The following RPSA2 variants were observed in gnomAD, a reference collection of about 807,000 sequenced individuals.
RPSA2 encodes ribosomal protein SA 2.
At chr19:23,798,241 A>G in the RPSA2 span, among the ~76,000 whole-genome samples, 1 of 152,238 alleles carries the variant, frequency 6.6e-6, no homozygotes, top group Non-Finnish European at 1.5e-5. Context: ...TAAATTTAGC[A>G]AAACAGAATT....
the RPSA2 span, among the ~76,000 whole-genome samples, chr19:23,792,665 C>T: frequency 6.6e-6 from 1 of 150,708 alleles, no homozygotes; most frequent in Non-Finnish European, 1.5e-5. Flanking sequence ...CAGGCGCGCA[C>T]CACCAAGCCC....
chr19:23,828,936 G>C, the RPSA2 span, among the ~76,000 whole-genome samples: 1 of 148,278 alleles, frequency 6.7e-6, no homozygotes, highest in East Asian at 2.0e-4. Context: ...CCTAATGTGA[G>C]ACACACACAC....
At chr19:23,811,813 A>G in the RPSA2 span, among the ~76,000 whole-genome samples, 1 of 138,070 alleles carries the variant, frequency 7.2e-6, no homozygotes, top group Non-Finnish European at 1.5e-5. Context: ...TTAGCAATGT[A>G]AGGTATTATT....
the RPSA2 span, among the ~76,000 whole-genome samples, chr19:23,790,232 C>G: frequency 6.6e-6 from 1 of 152,002 alleles, no homozygotes. Context: ...CTTCTGACCT[C>G]GTGATCCACC....
chr19:23,807,873 G>A, the RPSA2 span: 1 of 426,732 alleles, frequency 2.3e-6, no homozygotes, highest in South Asian at 2.0e-5. Context: ...CTCTGGAGGA[G>A]TAGCAGTGCC....
At chr19:23,855,027 G>A in the RPSA2 span, among the ~76,000 whole-genome samples, 1 of 152,138 alleles carries the variant, frequency 6.6e-6, no homozygotes, top group Non-Finnish European at 1.5e-5. Flanking sequence ...AAAAAATCAG[G>A]ATATAATTCA....
the RPSA2 span, among the ~76,000 whole-genome samples, chr19:23,851,200 C>T: frequency 1.7e-4 from 18 of 106,440 alleles, no homozygotes; most frequent in Non-Finnish European, 3.1e-4. Context: ...ATCCATTTGC[C>T]ATAAATCTTT....
chr19:23,781,463 C>G, the RPSA2 span, among the ~76,000 whole-genome samples: 1 of 151,796 alleles, frequency 6.6e-6, no homozygotes, highest in African/African-American at 2.4e-5. Flanking sequence ...CTCAGCCTTC[C>G]GAGTAGCTGG....
the RPSA2 span, among the ~76,000 whole-genome samples, chr19:23,800,035 T>C: frequency 6.8e-6 from 1 of 148,078 alleles, no homozygotes; most frequent in African/African-American, 2.5e-5. Flanking sequence ...TTCTTTTTTT[T>C]TTTTTTTTTT....
At chr19:23,793,515 G>C in the RPSA2 span, among the ~76,000 whole-genome samples, 1 of 151,844 alleles carries the variant, frequency 6.6e-6, no homozygotes, top group Non-Finnish European at 1.5e-5. Flanking sequence ...AAGTGCAGTG[G>C]CATGATCTTG....
At chr19:23,777,184 TCTC>T in the RPSA2 span, among the ~76,000 whole-genome samples, 9 of 152,206 alleles carry the variant, frequency 5.9e-5, no homozygotes, top group African/African-American at 1.9e-4. Flanking sequence ...GTGATGTGAC[TCTC>T]CTCTACTGCC....
chr19:23,836,388 CA>C, the RPSA2 span, among the ~76,000 whole-genome samples: 1 of 152,086 alleles, frequency 6.6e-6, no homozygotes, highest in Non-Finnish European at 1.5e-5. Flanking sequence ...CACACACACA[CA>C]CCCCACAGTT....
chr19:23,770,320 C>T, the RPSA2 span, among the ~76,000 whole-genome samples: 1 of 152,306 alleles, frequency 6.6e-6, no homozygotes, highest in African/African-American at 2.4e-5. Flanking sequence ...CCTCTTCTGC[C>T]TAAGCCCTGC....
At chr19:23,825,336 A>G in the RPSA2 span, among the ~76,000 whole-genome samples, 3 of 152,202 alleles carry the variant, frequency 2.0e-5, no homozygotes, top group East Asian at 3.9e-4. Context: ...CACATTCATT[A>G]ATTGTGTTTT....
At chr19:23,805,121 GCACACACACACACACACACACACACACA>G in the RPSA2 span, among the ~76,000 whole-genome samples, 4 of 149,576 alleles carry the variant, frequency 2.7e-5, no homozygotes, top group Non-Finnish European at 5.9e-5. Flanking sequence ...AAAATAAAAA[GCACACACACACACACACACACACACACA>G]CACACACACA....
chr19:23,828,142 A>G, the RPSA2 span: 1 of 682,168 alleles, frequency 1.5e-6, no homozygotes, highest in Non-Finnish European at 2.5e-6. Context: ...AAAATGCTGC[A>G]ATAATTATGA....
chr19:23,829,120 T>A, the RPSA2 span, among the ~76,000 whole-genome samples: 6 of 152,222 alleles, frequency 3.9e-5, no homozygotes, highest in African/African-American at 1.4e-4. Flanking sequence ...CTCTTTCTGC[T>A]CTTATTTGAT....
chr19:23,785,048 T>C, the RPSA2 span, among the ~76,000 whole-genome samples: 1 of 152,190 alleles, frequency 6.6e-6, no homozygotes, highest in Non-Finnish European at 1.5e-5. Flanking sequence ...GCTAAGCGTT[T>C]TAGTGATTTG....
the RPSA2 span, among the ~76,000 whole-genome samples, chr19:23,841,818 A>G: frequency 6.6e-6 from 1 of 152,222 alleles, no homozygotes; most frequent in African/African-American, 2.4e-5. Flanking sequence ...ACCAGGTTAC[A>G]TATTAGCAGA....
Sources: gnomAD v4.1 joint callset for allele counts (sites outside exome capture counted in the v4.1 genomes callset) on GRCh38, gnomAD v4.1.1 for gene constraint, MANE v1.5 for transcripts, NCBI Gene and HGNC (gene_info 2026-07-23, HGNC 2026-07-21) for gene names.